The following SSPN variants were observed in gnomAD, a reference collection of about 807,000 sequenced individuals.
The protein encoded by SSPN is K-ras oncogene-associated protein.
In SSPN, 15 loss-of-function variants were observed where a neutral mutation model predicts 19.1. The observed-to-expected ratio is 0.78, with a 90% CI of 0.52 to 1.21. The LOEUF is 1.21. Among genes scored for constraint, SSPN ranks in the 50% most tolerant of loss-of-function variants. The pLI is 0.00. For synonymous variants in SSPN, 147 were observed against 140.3 expected (o/e 1.05, Z -0.34); for missense variants, 291 against 314.0 (o/e 0.93, Z 0.55).
At position 26,195,843 on chromosome 12, in the gene SSPN, C is replaced by G. The variant is rs1373238387; in HGVS notation, c.171C>G (p.Ala57=). Residue 57 remains alanine, a synonymous_variant, in exon 1 of 3, where the codon GCC becomes GCG. Coordinates refer to ENST00000242729, the MANE Select transcript of SSPN (RefSeq NM_005086.5). The stretch of plus-strand genomic sequence containing the variant: ...GCTGCCGGTTCCCGCTGCTGCTCGC[C>G]CTGCTGCAGCTGGCCCTGGGCATCG... ...CCGCRFPLLL[A]LLQLALGIAV... 2 of 1,546,434 alleles carry G rather than the reference C, an allele frequency of 1.3e-6. No individual in the cohort carries two copies. The highest frequency in any genetic ancestry group is 8.7e-7 in the Non-Finnish European group (1 of 1,150,518).
chr12:26,167,473 A>G (rs1031395004), intron 1 of SSPN, among the ~76,000 whole-genome samples: 1 of 152,170 alleles, frequency 6.6e-6, no homozygotes, highest in Non-Finnish European at 1.5e-5. Context: ...CTGCCCCAGC[A>G]ATTTCTGTCT....
chr12:26,130,627 T>C (rs907347513), intron 1 of SSPN, among the ~76,000 whole-genome samples: 1 of 152,208 alleles, frequency 6.6e-6, no homozygotes, highest in Non-Finnish European at 1.5e-5. Flanking sequence ...AAATCCAGGC[T>C]GTGTATATTA....
chr12:26,135,445 A>T (rs889004068), intron 1 of SSPN, among the ~76,000 whole-genome samples: 4 of 152,150 alleles, frequency 2.6e-5, no homozygotes, highest in Admixed American at 2.6e-4. Flanking sequence ...CAAGGAGCAA[A>T]GGGTCAGTAC....
At chr12:26,202,883 G>A (rs1169897892) in intron 1 of SSPN, among the ~76,000 whole-genome samples, 2 of 152,180 alleles carry the variant, frequency 1.3e-5, no homozygotes, top group Non-Finnish European at 2.9e-5. Context: ...AAGATACTAC[G>A]TGAGACTAAT....
intron 1 of SSPN, among the ~76,000 whole-genome samples, chr12:26,168,790 G>A (rs1944636365): frequency 6.6e-6 from 1 of 152,174 alleles, no homozygotes; most frequent in African/African-American, 2.4e-5. Context: ...ACGACTTAGT[G>A]ATTGGTTAGA....
chr12:26,174,003 A>C (rs544329662), intron 1 of SSPN, among the ~76,000 whole-genome samples: 19 of 152,322 alleles, frequency 1.2e-4, no homozygotes, highest in African/African-American at 4.6e-4. Context: ...TAAGTTTATA[A>C]ATTTTTTAAG....
At chr12:26,204,829 G>GA (rs536096682) in intron 1 of SSPN, among the ~76,000 whole-genome samples, 115 of 152,264 alleles carry the variant, frequency 7.6e-4, no homozygotes, top group Non-Finnish European at 1.4e-3. Flanking sequence ...AAAGACCAGG[G>GA]AAGACTAAAA....
intron 1 of SSPN, chr12:26,180,047 A>G (rs1172198341): frequency 6.7e-6 from 1 of 148,888 alleles, no homozygotes; most frequent in Non-Finnish European, 1.5e-5. Context: ...TGCTCATGGC[A>G]CTGTAGAGGA....
At chr12:26,131,596 T>C (rs1944397812) in intron 1 of SSPN, among the ~76,000 whole-genome samples, 1 of 152,228 alleles carries the variant, frequency 6.6e-6, no homozygotes, top group Non-Finnish European at 1.5e-5. Context: ...GGCTATGCTA[T>C]CCAGTTGGGT....
chr12:26,225,914 C>T (rs1945171475), intron 2 of SSPN, among the ~76,000 whole-genome samples: 2 of 151,436 alleles, frequency 1.3e-5, no homozygotes, highest in Admixed American at 6.6e-5. Flanking sequence ...GAGTCAAAAG[C>T]ATCAGCTTAA....
At chr12:26,189,572 A>G (rs1180224766) in intron 1 of SSPN, among the ~76,000 whole-genome samples, 1 of 152,164 alleles carries the variant, frequency 6.6e-6, no homozygotes, top group Non-Finnish European at 1.5e-5. Flanking sequence ...GCACACAAGC[A>G]TACTCAAGTG....
chr12:26,124,468 C>G (rs1459039891), intron 1 of SSPN: 1 of 1,563,960 alleles, frequency 6.4e-7, no homozygotes, highest in Non-Finnish European at 8.8e-7. Context: ...ATCAATGGCT[C>G]TAATTAACTA....
exon 1 of SSPN, chr12:26,122,138 C>A (rs879725466): frequency 6.5e-7 from 1 of 1,548,732 alleles, no homozygotes; most frequent in East Asian, 2.5e-5. Flanking sequence ...GCTCGCGGGG[C>A]CCGGCGAAGG....
chr12:26,125,146 C>A (rs1383116), intron 1 of SSPN: 222,182 of 314,618 alleles, frequency 0.71, 83,382 homozygotes, highest in East Asian at 0.89. Context: ...CCGGGCCGGG[C>A]GGGGGCGTCG....
chr12:26,127,481 T>A (rs1333395803), intron 1 of SSPN, among the ~76,000 whole-genome samples: 1 of 152,176 alleles, frequency 6.6e-6, no homozygotes, highest in Non-Finnish European at 1.5e-5. Context: ...GCTTCCCCAC[T>A]TCCGTACCCT....
intron 1 of SSPN, among the ~76,000 whole-genome samples, chr12:26,210,512 GTC>G (rs1034655361): frequency 5.3e-5 from 8 of 150,914 alleles, no homozygotes; most frequent in African/African-American, 1.7e-4. Flanking sequence ...CTCTCTCTGT[GTC>G]TCTCTCTCTC....
intron 1 of SSPN, among the ~76,000 whole-genome samples, chr12:26,219,125 G>C (rs1565692044): frequency 6.6e-6 from 1 of 152,104 alleles, no homozygotes; most frequent in Non-Finnish European, 1.5e-5. Context: ...ATTTGACAGG[G>C]TAAGGTTGTA....
chr12:26,213,665 A>T (rs1353463233), intron 1 of SSPN, among the ~76,000 whole-genome samples: 1 of 151,366 alleles, frequency 6.6e-6, no homozygotes, highest in Non-Finnish European at 1.5e-5. Context: ...GCTCTCAAAC[A>T]TCTACTTTTT....
intron 1 of SSPN, among the ~76,000 whole-genome samples, chr12:26,128,982 G>A (rs899204788): frequency 2.0e-5 from 3 of 152,134 alleles, no homozygotes; most frequent in Non-Finnish European, 2.9e-5. Flanking sequence ...CAAAGTCTTG[G>A]ATTTCCAACA....
Sources: gnomAD v4.1 joint callset for allele counts (sites outside exome capture counted in the v4.1 genomes callset) on GRCh38, gnomAD v4.1.1 for gene constraint, MANE v1.5 for transcripts, NCBI Gene and HGNC (gene_info 2026-07-23, HGNC 2026-07-21) for gene names.